Variants in NUDCD1 observed in about 807,000 individuals in gnomAD.
NUDCD1 encodes nudC domain-containing protein 1.
A neutral mutation model predicts 67.8 loss-of-function variants in NUDCD1; 60 were observed. The ratio of observed to expected loss-of-function variants is 0.88; its 90% confidence interval spans 0.72 to 1.10. NUDCD1 has a LOEUF of 1.10. Ranked by LOEUF, NUDCD1 falls within the 50% of genes least tolerant of loss-of-function variation. The pLI, the probability that NUDCD1 is intolerant of heterozygous loss-of-function variation, is 0.00. For missense variants in NUDCD1, 643 were observed against 695.0 expected (o/e 0.93, Z 0.84); for synonymous variants, 244 against 230.8 (o/e 1.06, Z -0.52).
chr8:109,260,366 T>A (rs1204782667), intron 8 of NUDCD1, among the ~76,000 whole-genome samples: 2 of 152,150 alleles, frequency 1.3e-5, no homozygotes, highest in Non-Finnish European at 2.9e-5. Flanking sequence ...GGCAAATTTT[T>A]TTGTATACAC....
intron 8 of NUDCD1, among the ~76,000 whole-genome samples, chr8:109,256,571 G>T (rs926247615): frequency 2.0e-5 from 3 of 152,144 alleles, no homozygotes; most frequent in Admixed American, 6.5e-5. Context: ...CTACTATAGG[G>T]AGAACAGGAA....
chr8:109,301,228 CCTAA>C (rs575114644), intron 2 of NUDCD1, among the ~76,000 whole-genome samples: 30 of 152,290 alleles, frequency 2.0e-4, no homozygotes, highest in Non-Finnish European at 3.7e-4. Context: ...CCTGCCCCAC[CCTAA>C]CTGATAGGAT....
At chr8:109,284,005 AAAC>A (rs1330142170) in intron 5 of NUDCD1, among the ~76,000 whole-genome samples, 11 of 147,836 alleles carry the variant, frequency 7.4e-5, no homozygotes, top group African/African-American at 2.7e-4. Flanking sequence ...AAAAAAAAAA[AAAC>A]AAAACAAAAA....
chr8:109,278,448 G>A (rs764450381), intron 6 of NUDCD1, among the ~76,000 whole-genome samples: 1 of 152,088 alleles, frequency 6.6e-6, no homozygotes, highest in Non-Finnish European at 1.5e-5. Context: ...AAAATTCACA[G>A]GTTTTAAGTG....
chr8:109,271,924 A>G (rs576275710), intron 7 of NUDCD1, among the ~76,000 whole-genome samples: 37 of 152,236 alleles, frequency 2.4e-4, no homozygotes, highest in Admixed American at 4.6e-4. Flanking sequence ...AAAACCTGTC[A>G]ACACCAAATT....
intron 9 of NUDCD1, among the ~76,000 whole-genome samples, chr8:109,243,732 T>C (rs569880202): frequency 1.3e-5 from 2 of 152,306 alleles, no homozygotes; most frequent in East Asian, 3.9e-4. Flanking sequence ...GTGTATAGGA[T>C]ACCATCATAA....
At chr8:109,332,749 G>A (rs1243924070) in intron 1 of NUDCD1, among the ~76,000 whole-genome samples, 3 of 152,078 alleles carry the variant, frequency 2.0e-5, no homozygotes, top group African/African-American at 7.2e-5. Context: ...CTGACATGGG[G>A]TGACTGGAAG....
In NUDCD1 at chr8:109,275,317, C is replaced by G. The variant is rs535588306; in HGVS notation, c.1173+35G>C. 1.1e-3 allele frequency: 1,693 copies of G among 1,586,432 alleles called. 23 individuals are homozygous for G. The South Asian group carries it at 0.018, about 17-fold the overall frequency. Reference sequence around the variant, plus strand: ...ATCTTCACATAACATATTTTTGGACCCTTGGAAAGTCACACTACTATTCCA... The same window carrying G: ...ATCTTCACATAACATATTTTTGGACGCTTGGAAAGTCACACTACTATTCCA... On this transcript the variant is annotated intron_variant, in intron 7 of 9. Transcript: ENST00000239690.
At chr8:109,288,524 T>C (rs1268341541) in intron 5 of NUDCD1, among the ~76,000 whole-genome samples, 1 of 152,180 alleles carries the variant, frequency 6.6e-6, no homozygotes, top group East Asian at 1.9e-4. Context: ...AACCAAGGTA[T>C]TAAAAGTCTA....
intron 2 of NUDCD1, among the ~76,000 whole-genome samples, chr8:109,306,077 A>G (rs979423750): frequency 2.0e-5 from 3 of 151,924 alleles, no homozygotes; most frequent in Non-Finnish European, 4.4e-5. Flanking sequence ...CATCCCTACT[A>G]TTTCCTGTCT....
chr8:109,266,311 C>T (rs998575182), intron 8 of NUDCD1, among the ~76,000 whole-genome samples: 3 of 151,434 alleles, frequency 2.0e-5, no homozygotes, highest in Admixed American at 1.3e-4. Flanking sequence ...CTGCAAGCTC[C>T]GCCTCCCAGG....
At chr8:109,311,049 T>A (rs532414025) in intron 2 of NUDCD1, among the ~76,000 whole-genome samples, 1 of 151,820 alleles carries the variant, frequency 6.6e-6, no homozygotes, top group East Asian at 1.9e-4. Flanking sequence ...CTCCTGACCT[T>A]GTGATCCGCC....
At chr8:109,320,518 G>C (rs1815509327) in intron 2 of NUDCD1, among the ~76,000 whole-genome samples, 1 of 152,068 alleles carries the variant, frequency 6.6e-6, no homozygotes, top group Non-Finnish European at 1.5e-5. Context: ...CTTTTTTCAA[G>C]GTGCCCACAT....
At chr8:109,256,596 A>C (rs1056308143) in intron 8 of NUDCD1, among the ~76,000 whole-genome samples, 3 of 152,220 alleles carry the variant, frequency 2.0e-5, no homozygotes, top group Admixed American at 1.3e-4. Context: ...GAAATGACAT[A>C]ATCTACTAAA....
chr8:109,291,862 G>A (rs1010629279), intron 4 of NUDCD1, among the ~76,000 whole-genome samples: 6 of 152,086 alleles, frequency 3.9e-5, no homozygotes, highest in Non-Finnish European at 7.4e-5. Flanking sequence ...AGAAAAAGAT[G>A]TTACAGAACC....
chr8:109,244,246 T>C (rs879291221), intron 9 of NUDCD1, among the ~76,000 whole-genome samples: 12 of 152,084 alleles, frequency 7.9e-5, no homozygotes, highest in Non-Finnish European at 1.6e-4. Flanking sequence ...AAAGTAGCTA[T>C]CCAGGCTAAC....
chr8:109,282,105 C>T (rs571232307), intron 5 of NUDCD1, among the ~76,000 whole-genome samples: 6 of 152,252 alleles, frequency 3.9e-5, no homozygotes, highest in East Asian at 1.9e-4. Flanking sequence ...TCTCCCTCAG[C>T]GCTGGTGTCC....
chr8:109,311,559 G>GTGTGTATATATATATATATATATA lies in NUDCD1; in HGVS notation c.273+10749_273+10750insTATATATATATATATATATACACA. ...AATGAGTGGATAAAGAAACTGTGGTGTATATATATATATGATGGGATACTG... is the reference window on the plus strand; with the variant it reads ...AATGAGTGGATAAAGAAACTGTGGTGTGTGTATATATATATATATATATATATATATATATATGATGGGATACTG... On this transcript the variant is annotated intron_variant, in intron 2 of 9. Coordinates refer to ENST00000239690, the MANE Select transcript of NUDCD1 (RefSeq NM_032869.4). Among the ~76,000 whole-genome samples the GTGTGTATATATATATATATATATA allele has an allele frequency of 2.5e-4, 31 of 125,138 alleles. 1 individual carries two copies. Among genetic ancestry groups the GTGTGTATATATATATATATATATA allele is most frequent in the South Asian group, 1.2e-3 (4 of 3,236 alleles). The allele number at this position is 125,138 out of a possible 152,430, so 82.1% of individuals were successfully genotyped here.
At chr8:109,319,015 T>A (rs1283442765) in intron 2 of NUDCD1, among the ~76,000 whole-genome samples, 1 of 149,658 alleles carries the variant, frequency 6.7e-6, no homozygotes, top group African/African-American at 2.5e-5. Flanking sequence ...TGGAGTGCAG[T>A]GGTGCGATCT....
Sources: gnomAD v4.1 joint callset for allele counts (sites outside exome capture counted in the v4.1 genomes callset) on GRCh38, gnomAD v4.1.1 for gene constraint, MANE v1.5 for transcripts, NCBI Gene and HGNC (gene_info 2026-07-23, HGNC 2026-07-21) for gene names.